ATF6: variants seen among roughly 807,000 people sequenced by gnomAD.
ATF6 encodes the protein activating transcription factor 6.
A neutral mutation model predicts 83.6 loss-of-function variants in ATF6; 53 were observed. That is an observed-to-expected ratio of 0.63 (90% CI 0.51 to 0.80). The LOEUF is 0.80. Ranked by LOEUF, ATF6 falls within the 30% of genes least tolerant of loss-of-function variation. ATF6 has a pLI of 0.00. For missense variants in ATF6, 744 were observed against 797.9 expected (o/e 0.93, Z 0.81); for synonymous variants, 288 against 285.8 (o/e 1.01, Z -0.08).
chr1:161,827,653 A>AG (rs1685935810), intron 9 of ATF6, among the ~76,000 whole-genome samples: 2 of 151,930 alleles, frequency 1.3e-5, no homozygotes, highest in South Asian at 4.1e-4. Flanking sequence ...CAAATGAAAA[A>AG]AAAAAAATAA....
intron 9 of ATF6, among the ~76,000 whole-genome samples, chr1:161,826,058 A>G (rs979809398): frequency 6.6e-6 from 1 of 152,200 alleles, no homozygotes; most frequent in East Asian, 1.9e-4. Flanking sequence ...CAAATATATT[A>G]TTTCTTATTA....
rs78561001 is a variant in ATF6 at position 161,802,207 on chromosome 1, G to C, written c.844G>C (p.Val282Leu). The stretch of plus-strand genomic sequence containing the variant: ...ACCAGCCCCTTCAGCGAATAGCCCA[G>C]TGAATGGAAAACTTTCCGTGACTAA... Reference protein sequence around the residue: ...VVPAPSANSPVNGKLSVTKPV... With the variant: ...VVPAPSANSPLNGKLSVTKPV... Residue 282 changes from valine to leucine, a missense_variant, in exon 7 of 16, where the codon GTG (valine) becomes CTG (leucine). Physicochemically the swap from Val to Leu is conservative, Grantham distance 32. Transcript: ENST00000367942. The C allele has an allele frequency of 1.2e-6, 2 of 1,614,032 alleles. No individual in the cohort carries two copies. Among genetic ancestry groups the C allele is most frequent in the Non-Finnish European group, 1.7e-6 (2 of 1,179,994 alleles).
intron 15 of ATF6, among the ~76,000 whole-genome samples, chr1:161,918,410 T>A (rs935604023): frequency 1.3e-5 from 2 of 152,196 alleles, no homozygotes; most frequent in African/African-American, 4.8e-5. Flanking sequence ...TTTCAGCAAT[T>A]GTTCTATAAA....
At chr1:161,775,107 G>A (rs1684485532) in intron 1 of ATF6, among the ~76,000 whole-genome samples, 3 of 152,132 alleles carry the variant, frequency 2.0e-5, no homozygotes, top group Admixed American at 6.5e-5. Context: ...TGAACTCCCC[G>A]TGGTCAAATC....
chr1:161,938,880 T>G (rs763439187), intron 15 of ATF6, among the ~76,000 whole-genome samples: 31 of 152,000 alleles, frequency 2.0e-4, no homozygotes, highest in Non-Finnish European at 2.8e-4. Flanking sequence ...ATAATAATAG[T>G]GCTCACTTTT....
chr1:161,928,183 G>T (rs966626757), intron 15 of ATF6, among the ~76,000 whole-genome samples: 1 of 152,166 alleles, frequency 6.6e-6, no homozygotes, highest in Non-Finnish European at 1.5e-5. Context: ...ATGGTCCTTT[G>T]AGGTCATTTT....
intron 15 of ATF6, among the ~76,000 whole-genome samples, chr1:161,924,408 T>C (rs978177181): frequency 6.6e-6 from 1 of 152,156 alleles, no homozygotes; most frequent in Non-Finnish European, 1.5e-5. Context: ...ATCCACATAT[T>C]TAAAAAAATC....
At chr1:161,894,702 A>AT (rs59848309) in intron 14 of ATF6, among the ~76,000 whole-genome samples, 23,898 of 109,112 alleles carry the variant, frequency 0.22, 5,226 homozygotes, top group African/African-American at 0.6. Flanking sequence ...AGCCGGGCTA[A>AT]TTTTTTTTTT....
chr1:161,938,883 TCA>T (rs147208692), intron 15 of ATF6, among the ~76,000 whole-genome samples: 1,901 of 152,300 alleles, frequency 0.012, 44 homozygotes, highest in African/African-American at 0.043. Context: ...ATAATAGTGC[TCA>T]CTTTTAAAAA....
chr1:161,787,109 AT>A (rs1684763893), intron 4 of ATF6, among the ~76,000 whole-genome samples: 2 of 152,228 alleles, frequency 1.3e-5, no homozygotes, highest in Non-Finnish European at 2.9e-5. Context: ...TGATGACCCA[AT>A]TTTGATTTTT....
chr1:161,814,426 A>G (rs1048312987), intron 7 of ATF6, among the ~76,000 whole-genome samples: 5 of 152,234 alleles, frequency 3.3e-5, no homozygotes, highest in African/African-American at 1.2e-4. Context: ...TCCCCATCCT[A>G]TAACCTAGCA....
chr1:161,920,620 A>G (rs942102378), intron 15 of ATF6, among the ~76,000 whole-genome samples: 1 of 149,808 alleles, frequency 6.7e-6, no homozygotes, highest in African/African-American at 2.5e-5. Flanking sequence ...TTGTTTTATT[A>G]TATTGAGAAG....
At chr1:161,860,400 A>G in intron 13 of ATF6, 123 bp downstream of exon 13, 1 of 313,826 alleles carries the variant, frequency 3.2e-6, no homozygotes, top group Non-Finnish European at 5.9e-6. Flanking sequence ...TATTAGTCAT[A>G]TACTCTAAGA....
chr1:161,908,443 G>A (rs1687920232), intron 14 of ATF6, among the ~76,000 whole-genome samples: 2 of 152,250 alleles, frequency 1.3e-5, no homozygotes, highest in South Asian at 4.1e-4. Context: ...TATGAAAGTA[G>A]CATATTTTCT....
At chr1:161,929,366 C>T (rs1347019039) in intron 15 of ATF6, among the ~76,000 whole-genome samples, 1 of 152,160 alleles carries the variant, frequency 6.6e-6, no homozygotes, top group Non-Finnish European at 1.5e-5. Flanking sequence ...ACTTCCAGAA[C>T]CAAAGCCATG....
Position 161,820,145 on chromosome 1 carries a change from A to AAC in ATF6, c.1095+328_1095+329insCA, listed in dbSNP as rs1685717254. 4.1e-5 allele frequency among the ~76,000 whole-genome samples: 6 copies of AAC among 147,608 alleles called. No individual in the cohort carries two copies. The Admixed American group carries it at 4.4e-4, about 11-fold the overall frequency. ...TATTTTCCCTTTTAAAAAAGAAAACAATATAAAAGTGTTTTTATTTTTTCT... is the reference window on the plus strand; with the variant it reads ...TATTTTCCCTTTTAAAAAAGAAAACAACATATAAAAGTGTTTTTATTTTTTCT... On this transcript the variant is annotated intron_variant, in intron 8 of 15. Transcript: ENST00000367942.
intron 15 of ATF6, among the ~76,000 whole-genome samples, chr1:161,915,550 T>G (rs1046266332): frequency 6.6e-6 from 1 of 152,308 alleles, no homozygotes; most frequent in African/African-American, 2.4e-5. Flanking sequence ...AAGACTTTAC[T>G]CTGCATTTAT....
intron 15 of ATF6, among the ~76,000 whole-genome samples, chr1:161,934,479 C>T (rs767671743): frequency 2.6e-5 from 4 of 152,160 alleles, no homozygotes; most frequent in Non-Finnish European, 5.9e-5. Flanking sequence ...CCTAGTGGTG[C>T]TGGCAAAGCT....
Position 161,792,133 on chromosome 1 carries a change from T to A in ATF6, c.494T>A (p.Leu165Gln), listed in dbSNP as rs1684895628. Residue 165 changes from leucine to glutamine, a missense_variant, in exon 6 of 16, where the codon CTG becomes CAG. Coordinates refer to ENST00000367942, the MANE Select transcript of ATF6 (RefSeq NM_007348.4). ...TCTGGTTTTTCTCCAGAAAATGGACTGACTCCAAAGAAAAAAATTCAGGTG... is the reference window on the plus strand; with the variant it reads ...TCTGGTTTTTCTCCAGAAAATGGACAGACTCCAAAGAAAAAAATTCAGGTG... ...TGPRNKTENG[L>Q]TPKKKIQVNS... 2.5e-6 allele frequency: 4 copies of A among 1,613,802 alleles called. No individual in the cohort carries two copies. Among genetic ancestry groups the A allele is most frequent in the Non-Finnish European group, 3.4e-6 (4 of 1,179,990 alleles).
Sources: gnomAD v4.1 joint callset for allele counts (sites outside exome capture counted in the v4.1 genomes callset) on GRCh38, gnomAD v4.1.1 for gene constraint, MANE v1.5 for transcripts, NCBI Gene and HGNC (gene_info 2026-07-23, HGNC 2026-07-21) for gene names.